SUN1: variants seen among roughly 807,000 people sequenced by gnomAD.
SUN1 encodes the protein SUN domain-containing protein 1.
Under a neutral mutation model 103.2 loss-of-function variants are expected in SUN1, and 61 were observed. The ratio of observed to expected loss-of-function variants is 0.59; its 90% CI spans 0.48 to 0.73. The LOEUF is 0.73. Among genes scored for constraint, SUN1 ranks in the 30% least tolerant of loss-of-function variants. The pLI is 0.00. For missense variants in SUN1, 1,052 were observed against 1,034.6 expected (o/e 1.02, Z -0.23); for synonymous variants, 490 against 425.7 (o/e 1.15, Z -1.86).
At chr7:870,056 A>AG (rs896285942) in intron 17 of SUN1, among the ~76,000 whole-genome samples, 9 of 150,608 alleles carry the variant, frequency 6.0e-5, no homozygotes, top group Non-Finnish European at 1.0e-4. Context: ...AAAAAAAAAA[A>AG]TGAGCCAGGC....
At chr7:867,754 C>T (rs185576450) in intron 16 of SUN1, among the ~76,000 whole-genome samples, 16 of 152,338 alleles carry the variant, frequency 1.1e-4, no homozygotes, top group African/African-American at 2.2e-4. Context: ...GACCAGCTCC[C>T]ACCCCAGGAC....
chr7:846,630 T>G (rs547268537), intron 5 of SUN1, among the ~76,000 whole-genome samples: 16 of 152,090 alleles, frequency 1.1e-4, no homozygotes, highest in African/African-American at 3.9e-4. Flanking sequence ...ATCCCAGATC[T>G]TGTGGGAGGC....
intron 10 of SUN1, among the ~76,000 whole-genome samples, chr7:853,827 C>T (rs772432676): frequency 2.0e-5 from 3 of 152,176 alleles, no homozygotes; most frequent in African/African-American, 4.8e-5. Flanking sequence ...GGTTCCATAG[C>T]GCACATGGAA....
chr7:860,499 G>A (rs1831337872), intron 14 of SUN1, 117 bp downstream of exon 14: 11 of 1,504,184 alleles, frequency 7.3e-6, no homozygotes, highest in Non-Finnish European at 8.9e-6. Context: ...TGGCTGGGGT[G>A]TGCTTAGCTG....
rs1394867906 is a variant in SUN1 at position 856,376 on chromosome 7, G to C, written c.1369G>C (p.Glu457Gln). ...TTTTTAGGCCATCCAGAAGGAACTA[G>C]AACAGACCAAGCAAAAAACAATCAG... ...EKSEAIQKELEQTKQKTISAV... is the reference protein window; with the variant it reads ...EKSEAIQKELQQTKQKTISAV... Residue 457 changes from glutamate (E) to glutamine (Q), a missense_variant, in exon 12 of 19, where the codon GAA becomes CAA. Coordinates refer to ENST00000401592, the MANE Select transcript of SUN1 (RefSeq NM_001130965.3). 1.2e-6 allele frequency: 2 copies of C among 1,614,036 alleles called. No individual in the cohort carries two copies. The highest frequency in any genetic ancestry group is 1.7e-6 in the Non-Finnish European group (2 of 1,180,032).
Position 841,836 on chromosome 7 carries a change from T to A in SUN1, c.267-110T>A. The stretch of plus-strand genomic sequence containing the variant: ...GCAGAAAAGGCATAGGAAAATGGTT[T>A]GCCTTAAAATGCTGTTTATTCCCAG... On this transcript the variant is annotated intron_variant, in intron 2 of 18. Transcript: ENST00000401592. 2.6e-6 allele frequency: 3 copies of A among 1,169,938 alleles called. 1 individual carries two copies. Among genetic ancestry groups the A allele is most frequent in the Non-Finnish European group, 3.6e-6 (3 of 833,224 alleles). The allele number at this position is 1,169,938 out of a possible 1,614,324, so 72.5% of individuals were successfully genotyped here.
chr7:853,561 C>A lies in SUN1; in HGVS notation c.1206C>A (p.Gly402=). 1 of 1,611,126 alleles carries A rather than the reference C, an allele frequency of 6.2e-7. No individual in the cohort carries two copies. Residue 402 remains glycine (G), a synonymous_variant, in exon 10 of 19, where the codon GGC becomes GGA. Coordinates refer to ENST00000401592, the MANE Select transcript of SUN1 (RefSeq NM_001130965.3). ...AGGCTCGGGTGGACCAGATGGAAGG[C>A]GGCGCTGCCGGGCCGTCAGCTTCGG... ...KLQARVDQME[G]GAAGPSASVR...
chr7:826,888 G>A (rs1018659140), intron 1 of SUN1, among the ~76,000 whole-genome samples: 3 of 152,118 alleles, frequency 2.0e-5, no homozygotes, highest in African/African-American at 4.8e-5. Flanking sequence ...CGGTATTGAC[G>A]GTTGCTGTTT....
chr7:841,733 T>G, intron 2 of SUN1: 2 of 543,572 alleles, frequency 3.7e-6, no homozygotes, highest in Non-Finnish European at 6.4e-6. Context: ...GAAACTATTT[T>G]GTGTTTACAA....
chr7:816,218 T>C (rs1398185670), upstream of SUN1: 3 of 88,334 alleles, frequency 3.4e-5, no homozygotes, highest in South Asian at 3.5e-4. Context: ...CTCCCCCAGG[T>C]GCAGACCCCT....
At chr7:863,697 G>A (rs781032180) in intron 15 of SUN1, among the ~76,000 whole-genome samples, 4 of 152,162 alleles carry the variant, frequency 2.6e-5, no homozygotes, top group Non-Finnish European at 5.9e-5. Context: ...TTATTGTGAC[G>A]GAAGGTCTGC....
chr7:826,465 C>T (rs780847018), intron 1 of SUN1, among the ~76,000 whole-genome samples: 7 of 152,196 alleles, frequency 4.6e-5, no homozygotes, highest in South Asian at 2.1e-4. Context: ...GTGGAGCAGG[C>T]GTCCACTGCT....
intron 17 of SUN1, among the ~76,000 whole-genome samples, chr7:870,971 A>G (rs1841239180): frequency 1.4e-5 from 2 of 147,428 alleles, no homozygotes; most frequent in South Asian, 4.3e-4. Context: ...GCTCACCACA[A>G]TCTCCGCCTC....
intron 1 of SUN1, among the ~76,000 whole-genome samples, chr7:834,026 G>T (rs1800456294): frequency 6.6e-6 from 1 of 152,184 alleles, no homozygotes; most frequent in Non-Finnish European, 1.5e-5. Flanking sequence ...GGCAGCTGGA[G>T]TGGGAAATGC....
At chr7:825,478 T>C (rs974802108) in intron 1 of SUN1, among the ~76,000 whole-genome samples, 12 of 152,224 alleles carry the variant, frequency 7.9e-5, no homozygotes, top group African/African-American at 2.7e-4. Flanking sequence ...TTTACTCAAA[T>C]CTAGTGTTAT....
intron 12 of SUN1, among the ~76,000 whole-genome samples, chr7:857,504 A>C (rs28589868): frequency 0.16 from 24,394 of 152,240 alleles, 2,073 homozygotes; most frequent in South Asian, 0.24. Flanking sequence ...CAGTCCAGAA[A>C]TAAAGTTTCT....
chr7:847,210 T>A (rs1022031349), intron 5 of SUN1, among the ~76,000 whole-genome samples: 2 of 152,034 alleles, frequency 1.3e-5, no homozygotes, highest in Non-Finnish European at 2.9e-5. Context: ...GCCAGCGGAG[T>A]TGGCGGCCTT....
At chr7:865,735 C>T (rs1415650316) in intron 15 of SUN1, among the ~76,000 whole-genome samples, 1 of 152,254 alleles carries the variant, frequency 6.6e-6, no homozygotes. Context: ...TTCTCCACAT[C>T]CTCGCCAGCA....
chr7:820,328 C>G (rs1047926014), intron 1 of SUN1, among the ~76,000 whole-genome samples: 3 of 152,222 alleles, frequency 2.0e-5, no homozygotes, highest in Non-Finnish European at 2.9e-5. Flanking sequence ...TTAATACTTT[C>G]TGGTGCTATT....
Sources: allele counts gnomAD v4.1 joint callset (sites outside exome capture counted in the v4.1 genomes callset), GRCh38; gene constraint gnomAD v4.1.1; transcripts MANE v1.5; gene names NCBI Gene and HGNC (gene_info 2026-07-23, HGNC 2026-07-21).